Variants in ARHGAP4 observed in about 807,000 individuals in gnomAD.
ARHGAP4 encodes the protein Rho GTPase activating protein 4, also known as rho GTPase-activating protein 4.
In ARHGAP4, 25 loss-of-function variants were observed where a neutral mutation model predicts 67.6. That is an observed-to-expected ratio of 0.37 (90% confidence interval 0.27 to 0.52). ARHGAP4 has a LOEUF of 0.52. Among genes scored for constraint, ARHGAP4 ranks in the 20% least tolerant of loss-of-function variants. ARHGAP4 has a pLI of 0.92. For missense variants in ARHGAP4, 804 were observed against 854.6 expected, an observed-to-expected ratio of 0.94 and a Z score of 0.74; for synonymous variants, 448 against 373.7, an observed-to-expected ratio of 1.20 and a Z score of -2.29.
chrX:153,920,878 C>A (rs1390312735), intron 4 of ARHGAP4, 70 bp from the exon 5 acceptor site: 1 of 1,163,821 alleles, frequency 8.6e-7, no homozygotes, highest in African/African-American at 1.8e-5. Flanking sequence ...GCCCTCTACC[C>A]CTGCCCCTCT....
Position 153,910,376 on chromosome X carries a change from T to A in ARHGAP4, c.1951A>T (p.Met651Leu). 8.3e-7 allele frequency: 1 copy of A among 1,199,779 alleles called. No homozygotes were observed. Among genetic ancestry groups the A allele is most frequent in the Non-Finnish European group, 1.1e-6 (1 of 888,751 alleles). The change falls in exon 17 of 22, where the codon ATG becomes TTG. Residue 651 changes from methionine (M) to leucine (L), a missense_variant. Around this residue, in one of 2 missense-constraint regions of ARHGAP4, gnomAD observed 400 missense variants for 348.7 expected, o/e 1.15. Coordinates refer to ENST00000350060, the MANE Select transcript of ARHGAP4 (RefSeq NM_001666.5). The part of the protein sequence containing the change: ...HLAQYSDENM[M>L]DPYNLAVCFG... ...CACACGGCCAGGTTGTAGGGGTCCATCATGTTCTCATCGCTGTACTGGGCC... is the reference window on the plus strand; with the variant it reads ...CACACGGCCAGGTTGTAGGGGTCCAACATGTTCTCATCGCTGTACTGGGCC...
At chrX:153,915,957 C>G (rs1180340437) in intron 7 of ARHGAP4, among the ~76,000 whole-genome samples, 1 of 112,072 alleles carries the variant, frequency 8.9e-6, no homozygotes, top group Non-Finnish European at 1.9e-5. Context: ...AACACAGCAG[C>G]CCCACCATCG....
intron 5 of ARHGAP4, chrX:153,919,697 A>G (rs2065079550): frequency 8.7e-7 from 1 of 1,147,510 alleles, no homozygotes; most frequent in Non-Finnish European, 1.2e-6. Flanking sequence ...CTGAGGGGGA[A>G]CGAGTACCCC....
At position 153,924,171 on chromosome X, in the gene ARHGAP4, C is replaced by CAGAGGAT. The variant is rs1165130922; in HGVS notation, c.67+1964_67+1965insATCCTCT. ...CCTCACTGGCCCTCTGGAGCCTGCC[C>CAGAGGAT]TGCCCTGCTTCCCCCAGAGGAATAC... On this transcript the variant is annotated intron_variant, in intron 1 of 21. Transcript: ENST00000350060. Among the ~76,000 whole-genome samples the CAGAGGAT allele has an allele frequency of 1.2e-4, 13 of 111,991 alleles. No individual in the cohort carries two copies. The East Asian group carries it at 2.5e-3, about 22-fold the overall frequency.
intron 5 of ARHGAP4, chrX:153,919,511 C>T (rs1557104788): frequency 2.6e-6 from 3 of 1,133,033 alleles, no homozygotes; most frequent in East Asian, 3.3e-5. Context: ...TGCCTTGGTT[C>T]GAGCCACAAC....
chrX:153,910,553 G>A lies in ARHGAP4; in HGVS notation c.1875C>T (p.Pro625=), dbSNP rs782186607. ...EHVSRLLWRL[P]APVLVVLRYL... Reference sequence around the variant, plus strand: ...AGCGCAGAACCACCAGCACCGGCGCGGGCAGCCGCCACAGCAGGCGGCTCA... The same window carrying A: ...AGCGCAGAACCACCAGCACCGGCGCAGGCAGCCGCCACAGCAGGCGGCTCA... The change falls in exon 16 of 22, where the codon CCC becomes CCT. Residue 625 remains proline, a synonymous_variant. Transcript: ENST00000350060. 5.0e-5 allele frequency: 60 copies of A among 1,203,134 alleles called. No homozygotes were observed. The highest frequency in any genetic ancestry group is 8.8e-5 in the African/African-American group (5 of 56,809).
At chrX:153,926,067 G>A in intron 1 of ARHGAP4, 69 bp downstream of exon 1, 1 of 1,161,987 alleles carries the variant, frequency 8.6e-7, no homozygotes, top group Non-Finnish European at 1.2e-6. Context: ...GCGCGGGGAC[G>A]CTTGGAGCTC....
chrX:153,919,487 G>A, intron 5 of ARHGAP4: 2 of 1,120,229 alleles, frequency 1.8e-6, no homozygotes, highest in Admixed American at 2.8e-5. Context: ...TTCCCCGGCT[G>A]TTCACCCGCC....
chrX:153,908,961 C>CCA, intron 21 of ARHGAP4, 109 bp downstream of exon 21: 1 of 825,651 alleles, frequency 1.2e-6, no homozygotes, highest in Non-Finnish European at 1.8e-6. Context: ...TGAGCTAAGG[C>CCA]CAGGGAGGGC....
At chrX:153,913,380 G>T (rs1282791333) in intron 9 of ARHGAP4, 29 bp downstream of exon 9, 1 of 1,206,727 alleles carries the variant, frequency 8.3e-7, no homozygotes, top group Non-Finnish European at 1.1e-6. Context: ...GCCCCCACGG[G>T]TCCCGCCCAC....
At position 153,912,758 on chromosome X, in the gene ARHGAP4, C is replaced by A. The variant is rs932908124; in HGVS notation, c.1484G>T (p.Arg495Leu). 8.3e-7 allele frequency: 1 copy of A among 1,210,040 alleles called. No individual in the cohort carries two copies. The highest frequency in any genetic ancestry group is 1.1e-6 in the Non-Finnish European group (1 of 894,946). ...QRKFQKSRQP[R>L]PSSQYNQRLF... ...TCTCTGGTTATACTGGGAGCTGGGG[C>A]GGGGCTGGCGGCTCTTCTGGAATTT... is the stretch of plus-strand genomic sequence containing the variant. Residue 495 changes from arginine (R) to leucine (L), a missense_variant, in exon 12 of 22, where the codon CGC (arginine) becomes CTC (leucine). Physicochemically the swap from Arg to Leu is moderately radical, Grantham distance 102. Coordinates refer to ENST00000350060, the MANE Select transcript of ARHGAP4 (RefSeq NM_001666.5).
At position 153,913,758 on chromosome X, in the gene ARHGAP4, C is replaced by T. The variant is rs199899790; in HGVS notation, c.1134+20G>A. Reference sequence around the variant, plus strand: ...CTCCAGGCCCTCGTCTCCCTCTAACCCCCGGTGGGCTGCCCAGACCTCCTC... The same window carrying T: ...CTCCAGGCCCTCGTCTCCCTCTAACTCCCGGTGGGCTGCCCAGACCTCCTC... On this transcript the variant is annotated intron_variant, in intron 8 of 21. Coordinates refer to ENST00000350060, the MANE Select transcript of ARHGAP4 (RefSeq NM_001666.5). 1 of 1,207,792 alleles carries T rather than the reference C, an allele frequency of 8.3e-7. No homozygotes were observed. Among genetic ancestry groups the T allele is most frequent in the Non-Finnish European group, 1.1e-6 (1 of 892,106 alleles).
At chrX:153,921,211 G>A (rs1182176810) in intron 3 of ARHGAP4, 52 bp from the exon 4 acceptor site, 2 of 1,179,410 alleles carry the variant, frequency 1.7e-6, no homozygotes, top group African/African-American at 3.5e-5. Context: ...GGCCCCGCCA[G>A]GCACTGGAAG....
In ARHGAP4 at chrX:153,911,212, TCA is replaced by T; in HGVS notation, c.1543-25_1543-24del. 3 of 1,121,172 alleles carry T rather than the reference TCA, an allele frequency of 2.7e-6. No homozygotes were observed. The East Asian group carries it at 9.9e-5, about 37-fold the overall frequency. 92.4% of individuals were successfully genotyped at this position (1,121,172 alleles called of 1,213,427 possible). ...GCTCTGGGGACAGAGGGTGTTTACT[TCA>T]CCATGGACACAGCATGCCCTGTGTT... is the stretch of plus-strand genomic sequence containing the variant. On this transcript the variant is annotated intron_variant, in intron 12 of 21. Coordinates refer to ENST00000350060, the MANE Select transcript of ARHGAP4 (RefSeq NM_001666.5).
At chrX:153,921,041 G>A in intron 4 of ARHGAP4, 56 bp downstream of exon 4, 2 of 1,154,722 alleles carry the variant, frequency 1.7e-6, no homozygotes, top group Non-Finnish European at 2.3e-6. Context: ...CCCCCACTGT[G>A]AGTGGCATTT....
intron 5 of ARHGAP4, among the ~76,000 whole-genome samples, chrX:153,920,021 G>A (rs2065082386): frequency 9.0e-6 from 1 of 111,493 alleles, no homozygotes; most frequent in East Asian, 2.8e-4. Context: ...TCCTGACTTC[G>A]TGATCCACCC....
chrX:153,925,817 G>A (rs782007872), intron 1 of ARHGAP4, among the ~76,000 whole-genome samples: 71 of 113,054 alleles, frequency 6.3e-4, no homozygotes, highest in African/African-American at 9.0e-4. Context: ...GCCTTCTGAG[G>A]GGCACGTTGG....
intron 5 of ARHGAP4, chrX:153,920,385 G>A (rs954287876): frequency 7.5e-6 from 3 of 400,070 alleles, no homozygotes; most frequent in Middle Eastern, 6.8e-4. Context: ...GAACAGCAGA[G>A]CTGCAGGGGC....
In ARHGAP4 at chrX:153,919,779, CTATTTTT is replaced by C. The variant is rs782403538; in HGVS notation, c.682-503_682-497del. 18 of 851,771 alleles carry C rather than the reference CTATTTTT, an allele frequency of 2.1e-5. 1 individual carries two copies. In the African/African-American group the frequency reaches 3.3e-4, roughly 15 times the overall value. 70.2% of individuals were successfully genotyped at this position (851,771 alleles called of 1,213,427 possible). On this transcript the variant is annotated intron_variant, in intron 5 of 21. Transcript: ENST00000350060. ...GCACCTGGGTTCTAAAACTGGCACT[CTATTTTT>C]TTTTTATTTTTTTTTTTTGAGACAG...
Sources: allele counts gnomAD v4.1 joint callset (sites outside exome capture counted in the v4.1 genomes callset), GRCh38; gene constraint gnomAD v4.1.1; regional missense constraint gnomAD v4.1.1; transcripts MANE v1.5; gene names NCBI Gene and HGNC (gene_info 2026-07-23, HGNC 2026-07-21).